AREL1: variants seen among roughly 807,000 people sequenced by gnomAD.
The protein encoded by AREL1 is apoptosis-resistant E3 ubiquitin protein ligase 1.
A neutral mutation model predicts 99.0 loss-of-function variants in AREL1; 62 were observed. The ratio of observed to expected loss-of-function variants is 0.63; its 90% CI spans 0.51 to 0.77. AREL1 has a LOEUF of 0.77. AREL1 is among the 30% of genes least tolerant of loss of function. The pLI is 0.00. For synonymous variants in AREL1, 380 were observed against 376.5 expected (o/e 1.01, Z -0.11); for missense variants, 879 against 1,027.6 (o/e 0.86, Z 1.98).
intron 2 of AREL1, among the ~76,000 whole-genome samples, chr14:74,688,019 CTTT>C (rs764034669): frequency 3.7e-5 from 4 of 108,704 alleles, no homozygotes; most frequent in African/African-American, 1.1e-4. Flanking sequence ...TGAGTACTTA[CTTT>C]TTTTTTTTTT....
intron 1 of AREL1, among the ~76,000 whole-genome samples, chr14:74,708,603 T>C (rs1450101984): frequency 6.6e-6 from 1 of 152,216 alleles, no homozygotes; most frequent in Non-Finnish European, 1.5e-5. Context: ...ATATGTTGTA[T>C]ATTAATAAAT....
At chr14:74,672,023 G>A (rs963984626) in intron 11 of AREL1, 10 of 454,422 alleles carry the variant, frequency 2.2e-5, no homozygotes, top group Admixed American at 1.2e-4. Flanking sequence ...TCTCATTCCT[G>A]GGGAATGTAA....
At chr14:74,690,039 G>C (rs2089841312) in intron 2 of AREL1, among the ~76,000 whole-genome samples, 1 of 151,886 alleles carries the variant, frequency 6.6e-6, no homozygotes, top group Non-Finnish European at 1.5e-5. Flanking sequence ...CTTGAGCTCA[G>C]GAGTTTGAGA....
At chr14:74,666,052 T>C (rs2089202822) in intron 17 of AREL1, among the ~76,000 whole-genome samples, 1 of 152,230 alleles carries the variant, frequency 6.6e-6, no homozygotes, top group South Asian at 2.1e-4. Context: ...ATCAGAAACT[T>C]TAGGCTGAGC....
chr14:74,691,324 T>A (rs1311550171), intron 2 of AREL1, among the ~76,000 whole-genome samples: 4 of 72,800 alleles, frequency 5.5e-5, no homozygotes, highest in Admixed American at 2.0e-4. Context: ...TGTCTCCATT[T>A]AAAAAAAAAA....
chr14:74,712,342 A>T (rs1428607090), intron 1 of AREL1, among the ~76,000 whole-genome samples: 3 of 152,148 alleles, frequency 2.0e-5, no homozygotes, highest in African/African-American at 7.2e-5. Flanking sequence ...CATTAAGTGT[A>T]TTACAAACTG....
At chr14:74,676,019 G>C in intron 7 of AREL1, 73 bp from the exon 8 acceptor site, 2 of 1,541,304 alleles carry the variant, frequency 1.3e-6, no homozygotes, top group African/African-American at 2.7e-5. Flanking sequence ...CAGGCTTTTA[G>C]TCCACAGGAC....
chr14:74,670,541 T>C (rs1201245074), intron 13 of AREL1: 3 of 525,838 alleles, frequency 5.7e-6, no homozygotes, highest in Non-Finnish European at 1.0e-5. Flanking sequence ...TATAATGTTT[T>C]TAGTCAAATA....
intron 13 of AREL1, chr14:74,670,530 C>T: frequency 2.0e-6 from 1 of 508,496 alleles, no homozygotes; most frequent in Non-Finnish European, 3.5e-6. Flanking sequence ...AGACATTATA[C>T]TATAATGTTT....
At chr14:74,674,173 T>A (rs1489349399) in intron 8 of AREL1, 62 bp from the exon 9 acceptor site, 2 of 1,359,638 alleles carry the variant, frequency 1.5e-6, no homozygotes, top group Non-Finnish European at 2.1e-6. Context: ...ATTTGGGTAT[T>A]CTAATTCAAA....
intron 10 of AREL1, 58 bp downstream of exon 10, chr14:74,673,019 C>T (rs2089387441): frequency 1.9e-6 from 3 of 1,613,926 alleles, no homozygotes; most frequent in East Asian, 2.2e-5. Flanking sequence ...TGCCTCTCCA[C>T]CCTCATGGAT....
intron 1 of AREL1, among the ~76,000 whole-genome samples, chr14:74,708,322 C>T (rs1423873510): frequency 2.0e-5 from 3 of 152,164 alleles, no homozygotes; most frequent in Non-Finnish European, 4.4e-5. Context: ...CTAATCATTG[C>T]CCCAATTCAG....
chr14:74,672,569 T>C (rs1422515135), intron 11 of AREL1, among the ~76,000 whole-genome samples: 1 of 151,998 alleles, frequency 6.6e-6, no homozygotes, highest in African/African-American at 2.4e-5. Flanking sequence ...AAATCCCATC[T>C]TTACAAAAAA....
At chr14:74,689,115 T>C (rs975990193) in intron 2 of AREL1, among the ~76,000 whole-genome samples, 1 of 152,112 alleles carries the variant, frequency 6.6e-6, no homozygotes, top group African/African-American at 2.4e-5. Context: ...CCCAAAGTGC[T>C]GGGATTACAA....
chr14:74,673,433 G>A (rs1201695390), intron 9 of AREL1, among the ~76,000 whole-genome samples: 1 of 152,048 alleles, frequency 6.6e-6, no homozygotes, highest in Non-Finnish European at 1.5e-5. Context: ...CTTTAGTTAG[G>A]ACCACCAGCA....
intron 2 of AREL1, among the ~76,000 whole-genome samples, chr14:74,689,592 C>CTTT (rs1057362002): frequency 4.1e-5 from 4 of 98,534 alleles, no homozygotes; most frequent in Non-Finnish European, 5.7e-5. Flanking sequence ...TAGCACTTTT[C>CTTT]TTTTTTTTTT....
rs200009478 is a variant in AREL1 at position 74,671,367 on chromosome 14, A to G, written c.1498+41T>C. 651 of 211,620 alleles carry G rather than the reference A, an allele frequency of 3.1e-3. 2 individuals carry two copies. Among genetic ancestry groups the G allele is most frequent in the Middle Eastern group, 5.7e-3 (3 of 528 alleles). 13.1% of individuals were successfully genotyped at this position (211,620 alleles called of 1,614,324 possible). A position where few individuals can be genotyped will look rare whatever the true frequency, so the allele number is the denominator to read the frequency against. On this transcript the variant is annotated intron_variant, in intron 12 of 19. Transcript: ENST00000356357. ...TTTTGTGGAGAAGGTGCGAGTGGGG[A>G]GGAGAGTTCAAAAAGATGAATATAA...
rs750730339 is a variant in AREL1 at position 74,667,395 on chromosome 14, A to G, written c.2045-18T>C. On this transcript the variant is annotated intron_variant, in intron 16 of 19. Coordinates refer to ENST00000356357, the MANE Select transcript of AREL1 (RefSeq NM_001039479.2). ...ATTCAGGCCTGAAACAAAGTAGGCA[A>G]GTTAAAGTCATACCCACACCATGGA... 2 of 1,614,246 alleles carry G rather than the reference A, an allele frequency of 1.2e-6. No homozygotes were observed. The highest frequency in any genetic ancestry group is 2.2e-5 in the South Asian group (2 of 91,086).
chr14:74,686,513 G>A (rs987987872), intron 2 of AREL1, among the ~76,000 whole-genome samples: 2 of 152,142 alleles, frequency 1.3e-5, no homozygotes, highest in African/African-American at 4.8e-5. Context: ...ATTTTACAAT[G>A]CATGAATGCA....
Sources: allele counts gnomAD v4.1 joint callset (sites outside exome capture counted in the v4.1 genomes callset), GRCh38; gene constraint gnomAD v4.1.1; transcripts MANE v1.5; gene names NCBI Gene and HGNC (gene_info 2026-07-23, HGNC 2026-07-21).